Variants in G3BP2 observed in about 807,000 individuals in gnomAD.
G3BP2 encodes G3BP stress granule assembly factor 2, also known as ras GTPase-activating protein-binding protein 2.
A neutral mutation model predicts 56.7 loss-of-function variants in G3BP2; 11 were observed. The observed-to-expected ratio is 0.19, with a 90% CI of 0.12 to 0.32. G3BP2 has a LOEUF of 0.32. Ranked by LOEUF, G3BP2 falls within the 10% of genes least tolerant of loss-of-function variation. The pLI, the probability that G3BP2 is intolerant of heterozygous loss-of-function variation, is 1.00. For missense variants in G3BP2, 340 were observed against 610.9 expected, an observed-to-expected ratio of 0.56 and a Z score of 4.67; for synonymous variants, 165 against 191.6, an observed-to-expected ratio of 0.86 and a Z score of 1.15.
chr4:75,675,825 AG>A (rs1733856144), upstream of G3BP2, among the ~76,000 whole-genome samples: 1 of 152,212 alleles, frequency 6.6e-6, no homozygotes, highest in South Asian at 2.1e-4. Context: ...TCTAGGGCAG[AG>A]GTGGGCAAAC....
At chr4:75,657,771 C>A in intron 3 of G3BP2, 41 bp from the exon 4 acceptor site, 2 of 1,199,904 alleles carry the variant, frequency 1.7e-6, no homozygotes, top group South Asian at 1.3e-5. Flanking sequence ...CTCTGTGATA[C>A]TGCATTACCT....
At chr4:75,653,016 T>C (rs2148966524) in intron 8 of G3BP2, among the ~76,000 whole-genome samples, 1 of 151,972 alleles carries the variant, frequency 6.6e-6, no homozygotes, top group African/African-American at 2.4e-5. Flanking sequence ...AAAACAATAC[T>C]GCACAAACTA....
At chr4:75,685,688 G>A (rs1334803383) in intron 3 of G3BP2, among the ~76,000 whole-genome samples, 1 of 152,056 alleles carries the variant, frequency 6.6e-6, no homozygotes, top group Non-Finnish European at 1.5e-5. Context: ...TCAGCACAGG[G>A]CCTGACACAC....
intron 3 of G3BP2, among the ~76,000 whole-genome samples, chr4:75,693,461 C>T (rs539748256): frequency 6.6e-6 from 1 of 151,804 alleles, no homozygotes; most frequent in Non-Finnish European, 1.5e-5. Flanking sequence ...TGGCCAGCCT[C>T]TCCAGGTATC....
At chr4:75,665,223 C>A (rs1201769548) in intron 1 of G3BP2, among the ~76,000 whole-genome samples, 3 of 151,724 alleles carry the variant, frequency 2.0e-5, no homozygotes, top group Non-Finnish European at 4.4e-5. Flanking sequence ...TCCTTTCCAA[C>A]AAACTATCCC....
intron 3 of G3BP2, 49 bp downstream of exon 3, chr4:75,658,793 TC>T: frequency 9.0e-7 from 1 of 1,113,442 alleles, no homozygotes; most frequent in Non-Finnish European, 1.4e-6. Flanking sequence ...TTTTTTAAAA[TC>T]TCCATCTTAA....
In G3BP2 at chr4:75,643,315, A is replaced by ATATATATATATATATATATATATG. The variant is rs1166357883; in HGVS notation, c.*2114_*2115insCATATATATATATATATATATATA. 3.7e-5 allele frequency: 5 copies of ATATATATATATATATATATATATG among 135,602 alleles called. No individual in the cohort carries two copies. The highest frequency in any genetic ancestry group is 6.5e-5 in the Non-Finnish European group (4 of 61,908). The allele number at this position is 135,602 out of a possible 1,614,324, so 8.4% of individuals were successfully genotyped here. ...GGAAATTATATATATATATATATAT[A>ATATATATATATATATATATATATG]TGGAAACAGAAATACAAGAAAATAT... On this transcript the variant is annotated 3_prime_UTR_variant, in exon 12 of 12. Coordinates refer to ENST00000359707, the MANE Select transcript of G3BP2 (RefSeq NM_203505.3).
At chr4:75,662,863 C>A (rs17000739) in intron 1 of G3BP2, among the ~76,000 whole-genome samples, 58,397 of 152,012 alleles carry the variant, frequency 0.38, 11,989 homozygotes, top group African/African-American at 0.5. Context: ...GACAGAGGGC[C>A]CAAGTTAAGA....
chr4:75,657,949 C>T (rs1732237499), intron 3 of G3BP2, among the ~76,000 whole-genome samples: 1 of 152,218 alleles, frequency 6.6e-6, no homozygotes, highest in Non-Finnish European at 1.5e-5. Flanking sequence ...GGGCTTTATA[C>T]AGCTTTCTCC....
chr4:75,648,366 A>AAAC (rs1422228077), intron 9 of G3BP2, among the ~76,000 whole-genome samples: 43 of 2,678 alleles, frequency 0.016, 1 homozygote, highest in Middle Eastern at 0.17. Context: ...ACAAACAAAC[A>AAAC]AAAAAAAAAA....
upstream of G3BP2, among the ~76,000 whole-genome samples, chr4:75,676,539 C>T (rs1462819050): frequency 6.6e-6 from 1 of 152,114 alleles, no homozygotes; most frequent in Non-Finnish European, 1.5e-5. Context: ...GACGAGGTTT[C>T]ACCATGTTGG....
chr4:75,648,477 T>G (rs927787040), intron 9 of G3BP2, among the ~76,000 whole-genome samples, 162 bp downstream of exon 9: 1 of 152,244 alleles, frequency 6.6e-6, no homozygotes, highest in Non-Finnish European at 1.5e-5. Context: ...AATTGGTTAT[T>G]TGGCCCCAGA....
intron 5 of G3BP2, 109 bp from the exon 6 acceptor site, chr4:75,655,979 G>T: frequency 6.5e-6 from 4 of 612,420 alleles, no homozygotes; most frequent in Admixed American, 2.9e-5. Flanking sequence ...AAGAAAATTT[G>T]ACAATTTTCT....
chr4:75,684,324 G>A (rs759947878), intron 3 of G3BP2, among the ~76,000 whole-genome samples: 30 of 152,180 alleles, frequency 2.0e-4, no homozygotes, highest in Non-Finnish European at 4.1e-4. Context: ...AGAATCACTT[G>A]AACCCAGGAG....
At chr4:75,710,054 A>T (rs983441431) in intron 3 of G3BP2, among the ~76,000 whole-genome samples, 3 of 152,228 alleles carry the variant, frequency 2.0e-5, no homozygotes, top group Admixed American at 1.3e-4. Context: ...TAGGTAATGT[A>T]ATGTGCTAGG....
At chr4:75,673,613 C>A (rs565125855), upstream of G3BP2, 4 of 1,231,408 alleles carry the variant, frequency 3.2e-6, no homozygotes, top group African/African-American at 4.6e-5. Context: ...CGGAACCGGC[C>A]TAAAGCCAAG....
chr4:75,701,135 G>A (rs951808447), intron 3 of G3BP2, among the ~76,000 whole-genome samples: 3 of 151,490 alleles, frequency 2.0e-5, no homozygotes, highest in Admixed American at 6.6e-5. Context: ...GAGCCACCAC[G>A]CCCAGCCAGA....
At chr4:75,673,528 T>A (rs574459676), upstream of G3BP2, 298 of 1,231,988 alleles carry the variant, frequency 2.4e-4, 1 homozygote, top group African/African-American at 4.1e-3. Flanking sequence ...GACCCAACCT[T>A]CCCGTGTCCC....
At chr4:75,700,018 C>A (rs1719276090) in intron 3 of G3BP2, among the ~76,000 whole-genome samples, 2 of 151,956 alleles carry the variant, frequency 1.3e-5, no homozygotes, top group Non-Finnish European at 2.9e-5. Flanking sequence ...GCAAAGAAAT[C>A]AACATAAAAT....
Sources: allele counts gnomAD v4.1 joint callset (sites outside exome capture counted in the v4.1 genomes callset), GRCh38; gene constraint gnomAD v4.1.1; transcripts MANE v1.5; gene names NCBI Gene and HGNC (gene_info 2026-07-23, HGNC 2026-07-21).